The following TACC2 variants were observed in gnomAD, a reference collection of about 807,000 sequenced individuals.
The protein encoded by TACC2 is transforming acidic coiled-coil-containing protein 2.
In TACC2, 137 loss-of-function variants were observed where a neutral mutation model predicts 227.3. The ratio of observed to expected loss-of-function variants is 0.60; its 90% CI spans 0.52 to 0.69. The LOEUF is 0.69. Among genes scored for constraint, TACC2 ranks in the 30% least tolerant of loss-of-function variants. The probability of loss-of-function intolerance (pLI) is 0.00; values close to 1 mark genes in which losing one functional copy is unlikely to be tolerated. For synonymous variants in TACC2, 1,523 were observed against 1,487.5 expected (o/e 1.02, Z -0.55); for missense variants, 3,470 against 3,694.4 (o/e 0.94, Z 1.57).
chr10:121,999,772 T>C (rs1954041663), intron 1 of TACC2, among the ~76,000 whole-genome samples: 1 of 151,966 alleles, frequency 6.6e-6, no homozygotes, highest in Non-Finnish European at 1.5e-5. Flanking sequence ...GAGAAGCAGC[T>C]ATTAAATAGA....
chr10:122,188,460 CT>C (rs1035268050), intron 7 of TACC2, among the ~76,000 whole-genome samples: 53 of 150,864 alleles, frequency 3.5e-4, no homozygotes, highest in African/African-American at 1.2e-3. Flanking sequence ...TTGTATTTTT[CT>C]TTTTTTTTAG....
intron 5 of TACC2, among the ~76,000 whole-genome samples, chr10:122,092,254 C>T (rs1228536006): frequency 6.6e-6 from 1 of 152,134 alleles, no homozygotes; most frequent in African/African-American, 2.4e-5. Context: ...TTTTTTACCC[C>T]CTACTGCACA....
intron 1 of TACC2, among the ~76,000 whole-genome samples, chr10:122,002,802 C>T (rs770577137): frequency 5.3e-5 from 8 of 152,212 alleles, no homozygotes; most frequent in South Asian, 2.1e-4. Flanking sequence ...AAATTTCTTC[C>T]GTTACAATGG....
chr10:122,186,970 C>G (rs1029025789), intron 7 of TACC2, among the ~76,000 whole-genome samples: 6 of 152,144 alleles, frequency 3.9e-5, no homozygotes, highest in Non-Finnish European at 8.8e-5. Context: ...TGGCCTTTCT[C>G]CAGGAAGGCG....
At position 122,238,113 on chromosome 10, in the gene TACC2, G is replaced by C. The variant is rs894564507; in HGVS notation, c.8348+76G>C. The C allele has an allele frequency of 2.5e-6, 3 of 1,188,320 alleles. No homozygotes were observed. In the African/African-American group the frequency reaches 4.5e-5, roughly 18 times the overall value. The allele number at this position is 1,188,320 out of a possible 1,614,324, so 73.6% of individuals were successfully genotyped here. A position where few individuals can be genotyped will look rare whatever the true frequency, so the allele number is the denominator to read the frequency against. On this transcript the variant is annotated intron_variant, in intron 18 of 22. Transcript: ENST00000369005. ...GTTTAATAATGACCGGAGCTGGTGTGGTCCACAGAAGAGTGTCTTCTGTGG... is the reference window on the plus strand; with the variant it reads ...GTTTAATAATGACCGGAGCTGGTGTCGTCCACAGAAGAGTGTCTTCTGTGG...
intron 3 of TACC2, among the ~76,000 whole-genome samples, chr10:122,071,657 T>G (rs1044736424): frequency 1.2e-4 from 17 of 146,396 alleles, no homozygotes; most frequent in African/African-American, 4.3e-4. Context: ...GTGGATCATC[T>G]GAGGTCAAGA....
At chr10:122,073,167 G>C (rs72839689) in intron 3 of TACC2, among the ~76,000 whole-genome samples, 1 of 110,858 alleles carries the variant, frequency 9.0e-6, no homozygotes, top group Non-Finnish European at 1.8e-5. Context: ...ACACACACAC[G>C]CATACATGAG....
intron 8 of TACC2, among the ~76,000 whole-genome samples, chr10:122,201,820 C>T (rs1057258634): frequency 1.3e-5 from 2 of 152,112 alleles, no homozygotes; most frequent in Non-Finnish European, 2.9e-5. Context: ...AAAATAGTAA[C>T]ATTGTGGGGG....
chr10:122,035,113 G>A (rs1452439418), intron 2 of TACC2, among the ~76,000 whole-genome samples: 3 of 152,152 alleles, frequency 2.0e-5, no homozygotes, highest in Non-Finnish European at 4.4e-5. Context: ...GCTCCTACGG[G>A]TGTCCCTGTT....
At chr10:122,057,950 C>T (rs971103500) in intron 3 of TACC2, among the ~76,000 whole-genome samples, 1 of 152,182 alleles carries the variant, frequency 6.6e-6, no homozygotes, top group Non-Finnish European at 1.5e-5. Context: ...CAGAAACAAG[C>T]AAACCAGCCC....
intron 7 of TACC2, among the ~76,000 whole-genome samples, chr10:122,189,553 C>CA (rs2094336791): frequency 6.6e-6 from 1 of 152,204 alleles, no homozygotes; most frequent in Non-Finnish European, 1.5e-5. Context: ...CTTTGGCCTG[C>CA]ACTGTGTTCT....
chr10:122,196,639 C>T (rs2094574998), intron 8 of TACC2, among the ~76,000 whole-genome samples: 1 of 152,092 alleles, frequency 6.6e-6, no homozygotes, highest in African/African-American at 2.4e-5. Context: ...TGGAAAGTGG[C>T]TGGATGACAA....
chr10:122,130,080 C>T (rs1319969607), intron 5 of TACC2, among the ~76,000 whole-genome samples: 1 of 152,224 alleles, frequency 6.6e-6, no homozygotes, highest in East Asian at 1.9e-4. Flanking sequence ...TCACTGCAAT[C>T]TCTGCCTCCC....
intron 6 of TACC2, among the ~76,000 whole-genome samples, chr10:122,136,928 A>G (rs1160138405): frequency 1.3e-5 from 2 of 152,130 alleles, no homozygotes; most frequent in Non-Finnish European, 2.9e-5. Context: ...AGCTGAGAGA[A>G]AAACAGAGAG....
At chr10:122,072,709 G>A (rs980258023) in intron 3 of TACC2, among the ~76,000 whole-genome samples, 4 of 152,162 alleles carry the variant, frequency 2.6e-5, no homozygotes, top group Admixed American at 6.6e-5. Context: ...AGCAGTTGTC[G>A]TGCCAGTACA....
At chr10:122,015,116 A>T (rs1200799422) in intron 1 of TACC2, among the ~76,000 whole-genome samples, 2 of 152,106 alleles carry the variant, frequency 1.3e-5, no homozygotes, top group Admixed American at 6.6e-5. Flanking sequence ...TAAAAAAAAA[A>T]AAAAAGGACA....
At chr10:122,212,254 C>T (rs2095310692) in intron 9 of TACC2, among the ~76,000 whole-genome samples, 1 of 152,232 alleles carries the variant, frequency 6.6e-6, no homozygotes, top group East Asian at 1.9e-4. Context: ...CCGTAAGAAA[C>T]ACCCTTCTTT....
intron 5 of TACC2, among the ~76,000 whole-genome samples, chr10:122,104,816 C>G (rs1174001816): frequency 1.3e-5 from 2 of 152,210 alleles, no homozygotes; most frequent in African/African-American, 4.8e-5. Flanking sequence ...ACTGACTTAT[C>G]CTCTAAAACT....
Position 122,209,951 on chromosome 10 carries a change from C to G in TACC2, c.5972-446C>G, listed in dbSNP as rs2095249906. 1 of 174,020 alleles carries G rather than the reference C, an allele frequency of 5.7e-6. No individual in the cohort carries two copies. The highest frequency in any genetic ancestry group is 1.4e-4 in the South Asian group (1 of 7,264). The allele number at this position is 174,020 out of a possible 1,614,324, so 10.8% of individuals were successfully genotyped here. On this transcript the variant is annotated intron_variant, in intron 8 of 22. Transcript: ENST00000369005. The surrounding 1 kb of genome is among the most constrained non-coding windows in gnomAD (Gnocchi z 4.5). ...AAGTGATCTGCCTGCCTCGGCCTCC[C>G]AAAGTGCTGGGATTACAGGTGTGAG...
Sources: gnomAD v4.1 joint callset for allele counts (sites outside exome capture counted in the v4.1 genomes callset) on GRCh38, gnomAD v4.1.1 for gene constraint, Gnocchi (gnomAD v3.1) non-coding constraint, MANE v1.5 for transcripts, NCBI Gene and HGNC (gene_info 2026-07-23, HGNC 2026-07-21) for gene names.